Variants in WWTR1 observed in about 807,000 individuals in gnomAD.
WWTR1 encodes WW domain containing transcription regulator 1.
A neutral mutation model predicts 40.1 loss-of-function variants in WWTR1; 13 were observed. The ratio of observed to expected loss-of-function variants is 0.32; its 90% CI spans 0.21 to 0.52. WWTR1 has a LOEUF of 0.52. Among genes scored for constraint, WWTR1 ranks in the 20% least tolerant of loss-of-function variants. The probability of loss-of-function intolerance (pLI) is 0.97; values close to 1 mark genes in which losing one functional copy is unlikely to be tolerated. For synonymous variants in WWTR1, 230 were observed against 210.1 expected, an observed-to-expected ratio of 1.09 and a Z score of -0.82; for missense variants, 436 against 523.1, an observed-to-expected ratio of 0.83 and a Z score of 1.63.
At chr3:149,578,209 A>G (rs888250742) in intron 2 of WWTR1, among the ~76,000 whole-genome samples, 2 of 152,042 alleles carry the variant, frequency 1.3e-5, no homozygotes, top group Non-Finnish European at 2.9e-5. Flanking sequence ...GTGGAGTCAC[A>G]TATACCTGGG....
intron 5 of WWTR1, among the ~76,000 whole-genome samples, chr3:149,715,001 C>T (rs1239285209): frequency 6.6e-6 from 1 of 152,142 alleles, no homozygotes; most frequent in East Asian, 1.9e-4. Context: ...CTGCTGACAG[C>T]TGAAAACTCG....
intron 2 of WWTR1, among the ~76,000 whole-genome samples, chr3:149,631,017 G>A (rs1278437769): frequency 6.6e-6 from 1 of 152,156 alleles, no homozygotes; most frequent in African/African-American, 2.4e-5. Context: ...CACACAAAAT[G>A]TGGTCAGTAT....
chr3:149,679,704 G>A (rs940065168), intron 1 of WWTR1, among the ~76,000 whole-genome samples: 5 of 151,978 alleles, frequency 3.3e-5, no homozygotes, highest in Non-Finnish European at 7.4e-5. Context: ...TAATTCCTGA[G>A]AGGGAGCCAA....
intron 2 of WWTR1, among the ~76,000 whole-genome samples, chr3:149,625,572 T>A (rs191016505): frequency 2.2e-4 from 33 of 151,810 alleles, no homozygotes; most frequent in Admixed American, 2.0e-3. Context: ...GGGTGAATCA[T>A]CCAAGGTCAG....
chr3:149,594,950 CTTTTTTTTT>C (rs563658190), intron 2 of WWTR1, among the ~76,000 whole-genome samples: 109 of 61,764 alleles, frequency 1.8e-3, no homozygotes, highest in African/African-American at 5.4e-3. Flanking sequence ...CTCTTTTTTA[CTTTTTTTTT>C]TTTTTTTTTT....
chr3:149,640,708 A>G (rs912456086), intron 2 of WWTR1, among the ~76,000 whole-genome samples: 2 of 152,186 alleles, frequency 1.3e-5, no homozygotes, highest in African/African-American at 4.8e-5. Context: ...GGCATGAGCC[A>G]CCGAGCCCGA....
intron 2 of WWTR1, among the ~76,000 whole-genome samples, chr3:149,585,878 G>C (rs943272272): frequency 6.6e-6 from 1 of 152,016 alleles, no homozygotes; most frequent in African/African-American, 2.4e-5. Context: ...AAATGTGAGG[G>C]GACATACCAG....
intron 2 of WWTR1, among the ~76,000 whole-genome samples, chr3:149,664,878 C>T (rs372080601): frequency 3.3e-5 from 5 of 151,916 alleles, no homozygotes; most frequent in Admixed American, 1.3e-4. Flanking sequence ...AGTGAACCAC[C>T]GCGCCCGGCC....
intron 2 of WWTR1, among the ~76,000 whole-genome samples, chr3:149,622,758 T>C (rs977186962): frequency 6.6e-6 from 1 of 151,958 alleles, no homozygotes; most frequent in Non-Finnish European, 1.5e-5. Context: ...GGCACAGTGG[T>C]GCATGCCTGT....
intron 1 of WWTR1, among the ~76,000 whole-genome samples, chr3:149,691,011 A>G (rs75379876): frequency 0.014 from 2,204 of 152,328 alleles, 54 homozygotes; most frequent in South Asian, 0.093. Context: ...TCAATGAAGA[A>G]ATCAAGAAAC....
chr3:149,607,386 C>T (rs571875434), intron 2 of WWTR1, among the ~76,000 whole-genome samples: 2 of 152,302 alleles, frequency 1.3e-5, no homozygotes, highest in East Asian at 3.9e-4. Flanking sequence ...GTGATATTGG[C>T]TCACTGCAAC....
chr3:149,688,677 C>A (rs1714726170), intron 1 of WWTR1, among the ~76,000 whole-genome samples: 1 of 152,110 alleles, frequency 6.6e-6, no homozygotes, highest in African/African-American at 2.4e-5. Flanking sequence ...AATGTGAGTG[C>A]AAACAAGCCC....
Position 149,542,540 on chromosome 3 carries a change from G to C in WWTR1, c.569-3C>G, listed in dbSNP as rs1280034524. ...CTGCTGGTGTTGGTGATTCATCACT[G>C]CAAGAGGGAAGAACATACAGATTAA... On this transcript the variant is annotated splice_polypyrimidine_tract_variant and splice_region_variant and intron_variant, in intron 3 of 6. Coordinates refer to ENST00000360632, the MANE Select transcript of WWTR1 (RefSeq NM_015472.6). The C allele has an allele frequency of 6.2e-7, 1 of 1,608,486 alleles. No individual in the cohort carries two copies. Among genetic ancestry groups the C allele is most frequent in the South Asian group, 1.1e-5 (1 of 90,024 alleles).
intron 1 of WWTR1, among the ~76,000 whole-genome samples, chr3:149,699,771 G>A (rs931247860): frequency 3.3e-5 from 5 of 152,116 alleles, no homozygotes; most frequent in African/African-American, 1.2e-4. Flanking sequence ...CAGCATTTTG[G>A]TCACAACCAT....
intron 2 of WWTR1, among the ~76,000 whole-genome samples, chr3:149,644,153 C>T (rs1712351473): frequency 6.6e-6 from 1 of 152,174 alleles, no homozygotes; most frequent in Admixed American, 6.5e-5. Flanking sequence ...CCAGCCCTGA[C>T]ATTATACAGC....
intron 2 of WWTR1, among the ~76,000 whole-genome samples, chr3:149,651,078 G>A (rs1712837838): frequency 6.6e-6 from 1 of 152,138 alleles, no homozygotes; most frequent in Non-Finnish European, 1.5e-5. Context: ...AAACCACAAT[G>A]CAACAGGTAT....
chr3:149,547,840 T>A (rs1337294603), intron 3 of WWTR1, among the ~76,000 whole-genome samples: 17 of 151,152 alleles, frequency 1.1e-4, no homozygotes, highest in Middle Eastern at 3.4e-3. Context: ...TTTTTTTTTT[T>A]AATAATTGGC....
chr3:149,528,546 C>T (rs142899179), intron 4 of WWTR1, among the ~76,000 whole-genome samples: 107 of 152,236 alleles, frequency 7.0e-4, no homozygotes, highest in African/African-American at 2.4e-3. Context: ...AATCCCAGCA[C>T]TTTGGGAGGT....
intron 2 of WWTR1, among the ~76,000 whole-genome samples, chr3:149,630,816 C>T (rs1711524558): frequency 6.6e-6 from 1 of 152,178 alleles, no homozygotes; most frequent in African/African-American, 2.4e-5. Flanking sequence ...CCATTCTTAC[C>T]TCACCCATCT....
Sources: allele counts gnomAD v4.1 joint callset (sites outside exome capture counted in the v4.1 genomes callset), GRCh38; gene constraint gnomAD v4.1.1; transcripts MANE v1.5; gene names NCBI Gene and HGNC (gene_info 2026-07-23, HGNC 2026-07-21).